ZFHX3: variants seen among roughly 807,000 people sequenced by gnomAD.
ZFHX3 encodes zinc finger homeobox protein 3.
ZFHX3 carries 42 observed loss-of-function variants against 279.1 expected under a neutral mutation model. The ratio of observed to expected loss-of-function variants is 0.15; its 90% CI spans 0.12 to 0.19. The LOEUF (loss-of-function observed/expected upper bound fraction) is 0.19, where lower values mean the gene tolerates loss of function less well. Among genes scored for constraint, ZFHX3 ranks in the 10% least tolerant of loss-of-function variants. The probability of loss-of-function intolerance (pLI) is 1.00; values close to 1 mark genes in which losing one functional copy is unlikely to be tolerated. For synonymous variants in ZFHX3, 2,293 were observed against 1,957.8 expected (o/e 1.17, Z -4.52); for missense variants, 4,981 against 4,754.0 (o/e 1.05, Z -1.40).
chr16:73,533,480 G>T (rs1205450982), intron 2 of ZFHX3, among the ~76,000 whole-genome samples: 2 of 149,610 alleles, frequency 1.3e-5, no homozygotes, highest in Admixed American at 6.8e-5. Context: ...TCTCTCCTAC[G>T]GGTCATTATC....
At chr16:73,003,525 C>T (rs1206871308) in intron 1 of ZFHX3, among the ~76,000 whole-genome samples, 1 of 142,562 alleles carries the variant, frequency 7.0e-6, no homozygotes, top group Non-Finnish European at 1.5e-5. Context: ...CCCCCCTCCC[C>T]ACCCCGCCCC....
chr16:72,804,314 A>G (rs1167850630), intron 7 of ZFHX3, among the ~76,000 whole-genome samples: 3 of 152,378 alleles, frequency 2.0e-5, no homozygotes, highest in Non-Finnish European at 4.4e-5. Flanking sequence ...TCTGAGATGC[A>G]GAGAGCCAGA....
intron 8 of ZFHX3, chr16:73,092,823 C>T (rs963979827): frequency 8.7e-6 from 4 of 458,998 alleles, no homozygotes; most frequent in South Asian, 6.6e-5. Flanking sequence ...CTGCCCTTAC[C>T]TGAACAGACG....
chr16:72,942,290 C>A lies in ZFHX3; in HGVS notation c.3216+8179G>T, dbSNP rs535152213. Among the ~76,000 whole-genome samples, 3 of 152,308 alleles carry A rather than the reference C, an allele frequency of 2.0e-5. No individual in the cohort carries two copies. The East Asian group carries it at 5.8e-4, about 29-fold the overall frequency. On this transcript the variant is annotated intron_variant, in intron 3 of 9. Transcript: ENST00000268489. ...TTTACCTAAAACAACCGTAACACAACGCATTATCCTGGAATGCAGAAGCAA... is the reference window on the plus strand; with the variant it reads ...TTTACCTAAAACAACCGTAACACAAAGCATTATCCTGGAATGCAGAAGCAA...
intron 4 of ZFHX3, among the ~76,000 whole-genome samples, chr16:73,304,711 A>C (rs2015139756): frequency 6.6e-6 from 1 of 152,114 alleles, no homozygotes; most frequent in Admixed American, 6.5e-5. Context: ...GAACCAATCA[A>C]ACTGCACTAA....
intron 1 of ZFHX3, among the ~76,000 whole-genome samples, chr16:73,025,864 CG>C (rs941828835): frequency 2.6e-5 from 4 of 152,134 alleles, no homozygotes; most frequent in African/African-American, 9.7e-5. Context: ...CCTTGCAAAG[CG>C]AAAGATGTTC....
chr16:72,798,571 A>G lies in ZFHX3; in HGVS notation c.4111T>C (p.Phe1371Leu). The G allele has an allele frequency of 6.2e-7, 1 of 1,614,138 alleles. No individual in the cohort carries two copies. Among genetic ancestry groups the G allele is most frequent in the Middle Eastern group, 1.7e-4 (1 of 6,060 alleles). The change falls in exon 9 of 10, where the codon TTC (phenylalanine) becomes CTC (leucine). Residue 1371 changes from phenylalanine to leucine, a missense_variant. By Grantham distance (22) the Phe-to-Leu change is conservative. This residue lies in a region of ZFHX3 where 1,751 missense variants were observed against 1,770.0 expected (regional missense o/e 0.99). Transcript: ENST00000268489. ...GTCTGAAGGGCAGCAGAAGTTTTGA[A>G]AACCTGGTTGCACCCCTTCTTCCAG... ...ICWKKGCNQV[F>L]KTSAALQTHF...
rs370878083 is a variant in ZFHX3 at position 72,902,886 on chromosome 16, G to A, written c.3217-12924C>T. On this transcript the variant is annotated intron_variant, in intron 3 of 9. Coordinates refer to ENST00000268489, the MANE Select transcript of ZFHX3 (RefSeq NM_006885.4). The stretch of plus-strand genomic sequence containing the variant: ...TGACAGTCGCGCAGGCCAGCCGGGG[G>A]CTAAAGTTGGACAGGAACAAAAACC... Among the ~76,000 whole-genome samples the A allele has an allele frequency of 9.9e-5, 15 of 152,274 alleles. No individual in the cohort carries two copies. In the East Asian group the frequency reaches 2.3e-3, roughly 23 times the overall value.
At chr16:73,190,928 A>G (rs912366631) in intron 5 of ZFHX3, among the ~76,000 whole-genome samples, 1 of 151,018 alleles carries the variant, frequency 6.6e-6, no homozygotes, top group African/African-American at 2.4e-5. Context: ...TTTTTTTTGT[A>G]AATTGCCGGA....
At position 72,787,810 on chromosome 16, in the gene ZFHX3, A is replaced by G. The variant is rs148460360; in HGVS notation, c.10466T>C (p.Phe3489Ser). The G allele has an allele frequency of 4.2e-5, 68 of 1,613,516 alleles. No homozygotes were observed. The highest frequency in any genetic ancestry group is 5.6e-5 in the Non-Finnish European group (66 of 1,179,852). The stretch of plus-strand genomic sequence containing the variant: ...CAGGTTCACCACAGACTGGCCGAAG[A>G]AGCAGAGGGACTTCAGGTGGCTCCT... ...AARSHLKSLCFFGQSVVNLQE... is the reference protein window; with the variant it reads ...AARSHLKSLCSFGQSVVNLQE... The change falls in exon 10 of 10, where the codon TTC (phenylalanine) becomes TCC (serine). Residue 3489 changes from phenylalanine (F) to serine (S), a missense_variant. By Grantham distance (155) the Phe-to-Ser change is radical. Around this residue, in one of 7 missense-constraint regions of ZFHX3, gnomAD observed 1,034 missense variants for 786.0 expected, o/e 1.32. Transcript: ENST00000268489.
At chr16:73,331,986 AAAG>A (rs911421680) in intron 3 of ZFHX3, among the ~76,000 whole-genome samples, 14 of 152,188 alleles carry the variant, frequency 9.2e-5, no homozygotes, top group African/African-American at 2.7e-4. Context: ...CAGAAGAAAA[AAAG>A]AAGATCTCTT....
chr16:73,693,394 T>C (rs2053166977), intron 1 of ZFHX3, among the ~76,000 whole-genome samples: 1 of 152,092 alleles, frequency 6.6e-6, no homozygotes, highest in African/African-American at 2.4e-5. Context: ...GCCTGTTTGC[T>C]GTTTATTATT....
chr16:72,921,917 C>T (rs1272472713), intron 3 of ZFHX3, among the ~76,000 whole-genome samples: 3 of 152,198 alleles, frequency 2.0e-5, no homozygotes, highest in African/African-American at 4.8e-5. Context: ...AGATGCAAAA[C>T]GAAAGCAGGC....
intron 7 of ZFHX3, among the ~76,000 whole-genome samples, chr16:73,121,734 G>A (rs1488870249): frequency 2.0e-5 from 3 of 150,292 alleles, no homozygotes; most frequent in Non-Finnish European, 3.0e-5. Flanking sequence ...TCCTGCCTCC[G>A]CCTCCCAAGT....
chr16:72,871,787 A>T (rs1042901796), intron 4 of ZFHX3, among the ~76,000 whole-genome samples: 2 of 151,810 alleles, frequency 1.3e-5, no homozygotes, highest in African/African-American at 4.8e-5. Context: ...AAAATTTTAA[A>T]AATTTTTTAA....
intron 1 of ZFHX3, among the ~76,000 whole-genome samples, chr16:73,739,501 T>A (rs1049762479): frequency 1.3e-5 from 2 of 152,132 alleles, no homozygotes; most frequent in Non-Finnish European, 2.9e-5. Flanking sequence ...GGCAGGGAAA[T>A]GTCTCCCCAA....
At chr16:73,037,689 G>C (rs9302644) in intron 1 of ZFHX3, among the ~76,000 whole-genome samples, 32,537 of 152,058 alleles carry the variant, frequency 0.21, 3,650 homozygotes, top group East Asian at 0.34. Flanking sequence ...TATCATTAGG[G>C]ACAGTAAAAA....
At chr16:73,381,963 A>T (rs552612368) in intron 3 of ZFHX3, among the ~76,000 whole-genome samples, 2 of 152,292 alleles carry the variant, frequency 1.3e-5, no homozygotes, top group African/African-American at 4.8e-5. Context: ...CTCTGCCATT[A>T]TGGTGTGAGA....
rs2011757770 is a variant in ZFHX3 at position 73,205,292 on chromosome 16, GTGACAGATA to G, written c.-1104+51746_-1104+51754del. Among the ~76,000 whole-genome samples the G allele has an allele frequency of 5.3e-5, 8 of 152,328 alleles. No homozygotes were observed. In the South Asian group the frequency reaches 1.7e-3, roughly 32 times the overall value. The stretch of plus-strand genomic sequence containing the variant: ...GCCTAGGACATGTCCAAGTGCCACA[GTGACAGATA>G]TGACTATACATAAATTAGTCTTGCA... On this transcript the variant is annotated intron_variant, in intron 5 of 17. Coordinates refer to the ZFHX3 transcript ENST00000641206.
Sources: gnomAD v4.1 joint callset for allele counts (sites outside exome capture counted in the v4.1 genomes callset) on GRCh38, gnomAD v4.1.1 for gene constraint, gnomAD v4.1.1 regional missense constraint, MANE v1.5 for transcripts, NCBI Gene and HGNC (gene_info 2026-07-23, HGNC 2026-07-21) for gene names.